The following ST6GALNAC5 variants were observed in gnomAD, a reference collection of about 807,000 sequenced individuals.
The protein encoded by ST6GALNAC5 is ST6 N-acetylgalactosaminide alpha-2,6-sialyltransferase 5.
In ST6GALNAC5, 27 loss-of-function variants were observed where a neutral mutation model predicts 33.6. That is an observed-to-expected ratio of 0.80 (90% CI 0.59 to 1.11). The LOEUF is 1.11. Among genes scored for constraint, ST6GALNAC5 ranks in the 50% least tolerant of loss-of-function variants. ST6GALNAC5 has a pLI of 0.00. For missense variants in ST6GALNAC5, 428 were observed against 454.0 expected, an observed-to-expected ratio of 0.94 and a Z score of 0.52; for synonymous variants, 194 against 171.2, an observed-to-expected ratio of 1.13 and a Z score of -1.04.
chr1:76,943,879 G>T (rs191883371), intron 2 of ST6GALNAC5, among the ~76,000 whole-genome samples: 126 of 152,122 alleles, frequency 8.3e-4, no homozygotes, highest in African/African-American at 2.9e-3. Flanking sequence ...ACTAAGATTT[G>T]GTTAATACAC....
intron 2 of ST6GALNAC5, among the ~76,000 whole-genome samples, chr1:77,022,981 TA>T (rs1156552535): frequency 2.0e-5 from 3 of 152,230 alleles, no homozygotes; most frequent in Non-Finnish European, 4.4e-5. Context: ...ATGCAGGACG[TA>T]CTTAAGGAGG....
At chr1:76,925,457 C>T (rs1004740943) in intron 2 of ST6GALNAC5, among the ~76,000 whole-genome samples, 2 of 152,106 alleles carry the variant, frequency 1.3e-5, no homozygotes, top group African/African-American at 4.8e-5. Context: ...TTCCTTTAGT[C>T]ATCACTGCAC....
chr1:77,020,897 A>G (rs1269241849), intron 2 of ST6GALNAC5, among the ~76,000 whole-genome samples: 1 of 152,212 alleles, frequency 6.6e-6, no homozygotes, highest in African/African-American at 2.4e-5. Context: ...TATAGGCAGG[A>G]ACACCTACAG....
rs182365402 is a variant in ST6GALNAC5, at chr1:76,923,714, A to C, written c.261+54972A>C. Among the ~76,000 whole-genome samples, 8 of 152,168 alleles carry C rather than the reference A, an allele frequency of 5.3e-5. No individual in the cohort carries two copies. The East Asian group carries it at 9.7e-4, about 18-fold the overall frequency. ...TCTCAAAGAAACAAAACAAAACAAA[A>C]AAACAAACAAACAAAAAAAACAGTT... On this transcript the variant is annotated intron_variant, in intron 2 of 4. Coordinates refer to ENST00000477717, the MANE Select transcript of ST6GALNAC5 (RefSeq NM_030965.3).
chr1:76,905,272 G>A (rs78419534), intron 2 of ST6GALNAC5, among the ~76,000 whole-genome samples: 2,768 of 152,210 alleles, frequency 0.018, 85 homozygotes, highest in African/African-American at 0.062. Flanking sequence ...CAGTTACGGG[G>A]CTATTATTTC....
At chr1:76,953,952 A>G (rs953456333) in intron 2 of ST6GALNAC5, among the ~76,000 whole-genome samples, 7 of 152,106 alleles carry the variant, frequency 4.6e-5, no homozygotes, top group African/African-American at 1.2e-4. Flanking sequence ...TCATTTCATT[A>G]TAAGTTTTAA....
intron 2 of ST6GALNAC5, among the ~76,000 whole-genome samples, chr1:76,903,825 T>C (rs1646839553): frequency 6.6e-6 from 1 of 152,148 alleles, no homozygotes; most frequent in Non-Finnish European, 1.5e-5. Context: ...AAGGACCACA[T>C]ACTATATAAT....
intron 2 of ST6GALNAC5, among the ~76,000 whole-genome samples, chr1:76,942,645 G>A (rs1436290487): frequency 6.6e-6 from 1 of 152,072 alleles, no homozygotes; most frequent in Admixed American, 6.5e-5. Context: ...AGTTGGTGTT[G>A]CCCAAGATCT....
At chr1:77,025,111 A>G (rs570877373) in intron 2 of ST6GALNAC5, among the ~76,000 whole-genome samples, 25 of 152,344 alleles carry the variant, frequency 1.6e-4, no homozygotes, top group South Asian at 4.1e-4. Context: ...CAGCCATCCT[A>G]TTAAAAATTT....
At chr1:77,052,812 G>A (rs1046871005) in intron 4 of ST6GALNAC5, among the ~76,000 whole-genome samples, 1 of 151,298 alleles carries the variant, frequency 6.6e-6, no homozygotes, top group South Asian at 2.1e-4. Flanking sequence ...CCAGCTACTC[G>A]GGTGGCTGAG....
In ST6GALNAC5 at chr1:76,868,678, A is replaced by C. The variant is rs143010807; in HGVS notation, c.197A>C (p.Gln66Pro). The C allele has an allele frequency of 6.4e-6, 10 of 1,564,470 alleles. No homozygotes were observed. In the South Asian group the frequency reaches 1.0e-4, roughly 16 times the overall value. Reference sequence around the variant, plus strand: ...CCGGCGGCGGAGAGCAGCACCCAGCAGCGCCCCGGGGTCCCCGCGGGACCG... The same window carrying C: ...CCGGCGGCGGAGAGCAGCACCCAGCCGCGCCCCGGGGTCCCCGCGGGACCG... ...SQPAAESSTQQRPGVPAGPRP... is the reference protein window; with the variant it reads ...SQPAAESSTQPRPGVPAGPRP... Residue 66 changes from glutamine (Q) to proline (P), a missense_variant, in exon 2 of 5, where the codon CAG becomes CCG. Gln to Pro is a moderately conservative substitution (Grantham distance 76). Transcript: ENST00000477717. The surrounding 1 kb of genome is among the most constrained non-coding windows in gnomAD (Gnocchi z 4.3).
chr1:76,899,778 G>T (rs551981821), intron 2 of ST6GALNAC5, among the ~76,000 whole-genome samples: 3 of 152,182 alleles, frequency 2.0e-5, no homozygotes, highest in Non-Finnish European at 4.4e-5. Flanking sequence ...GAAGAAAGAC[G>T]TTGAGGGATA....
intron 2 of ST6GALNAC5, among the ~76,000 whole-genome samples, chr1:76,951,945 G>A (rs1342966730): frequency 1.3e-5 from 2 of 152,100 alleles, no homozygotes; most frequent in East Asian, 3.9e-4. Flanking sequence ...AAAGACCTGT[G>A]TTGGAACCTC....
chr1:76,993,052 C>G (rs1406542163), intron 2 of ST6GALNAC5, among the ~76,000 whole-genome samples: 1 of 152,142 alleles, frequency 6.6e-6, no homozygotes, highest in South Asian at 2.1e-4. Context: ...TCACTTAGAA[C>G]TTGGATTCTT....
chr1:77,007,472 C>T (rs1650468916), intron 2 of ST6GALNAC5, among the ~76,000 whole-genome samples: 1 of 152,328 alleles, frequency 6.6e-6, no homozygotes, highest in East Asian at 1.9e-4. Context: ...CAGGGACTTA[C>T]ATTCTACTGC....
intron 2 of ST6GALNAC5, among the ~76,000 whole-genome samples, chr1:77,026,119 C>T (rs1651223385): frequency 1.3e-5 from 2 of 152,196 alleles, no homozygotes; most frequent in African/African-American, 2.4e-5. Flanking sequence ...CAGGGCTTCT[C>T]TTTCTTCCAT....
At chr1:76,953,369 T>C (rs985758841) in intron 2 of ST6GALNAC5, among the ~76,000 whole-genome samples, 4 of 152,174 alleles carry the variant, frequency 2.6e-5, no homozygotes, top group African/African-American at 9.7e-5. Context: ...TTTTAGCAGT[T>C]CTAATTGCTA....
At chr1:77,037,287 A>G (rs1265148165) in intron 2 of ST6GALNAC5, among the ~76,000 whole-genome samples, 1 of 152,250 alleles carries the variant, frequency 6.6e-6, no homozygotes, top group East Asian at 1.9e-4. Flanking sequence ...TCCAAAGTGA[A>G]TTAGTGCAAG....
chr1:76,915,758 G>A (rs1646965459), intron 2 of ST6GALNAC5, among the ~76,000 whole-genome samples: 1 of 151,644 alleles, frequency 6.6e-6, no homozygotes, highest in African/African-American at 2.4e-5. Flanking sequence ...ACGAGTTAAT[G>A]GGTGCTGCAC....
Sources: allele counts gnomAD v4.1 joint callset (sites outside exome capture counted in the v4.1 genomes callset), GRCh38; gene constraint gnomAD v4.1.1; non-coding constraint Gnocchi (gnomAD v3.1); transcripts MANE v1.5; gene names NCBI Gene and HGNC (gene_info 2026-07-23, HGNC 2026-07-21).